Variants in TYMS observed in about 807,000 individuals in gnomAD.
The protein encoded by TYMS is thymidylate synthase.
TYMS carries 21 observed loss-of-function variants against 39.3 expected under a neutral mutation model. The observed-to-expected ratio is 0.54, with a 90% CI of 0.38 to 0.77. The LOEUF is 0.77. TYMS is among the 30% of genes least tolerant of loss of function. The pLI is 0.00. For synonymous variants in TYMS, 171 were observed against 162.2 expected (o/e 1.05, Z -0.41); for missense variants, 273 against 406.7 (o/e 0.67, Z 2.83).
Position 669,115 on chromosome 18 carries a change from C to T in TYMS, c.498C>T (p.Asp166=). The change falls in exon 4 of 7, where the codon GAC becomes GAT. Residue 166 remains aspartate, a synonymous_variant. Coordinates refer to ENST00000323274, the MANE Select transcript of TYMS (RefSeq NM_001071.4). The part of the protein sequence containing the change: ...QGVDQLQRVI[D]TIKTNPDDRR... ...TTGACCAACTGCAAAGAGTGATTGACACCATCAAAACCAACCCTGACGACA... is the reference window on the plus strand; with the variant it reads ...TTGACCAACTGCAAAGAGTGATTGATACCATCAAAACCAACCCTGACGACA... 6.2e-7 allele frequency: 1 copy of T among 1,614,190 alleles called. No homozygotes were observed. The highest frequency in any genetic ancestry group is 8.5e-7 in the Non-Finnish European group (1 of 1,180,040).
chr18:657,659 C>A lies in TYMS; in HGVS notation c.-84C>A. On this transcript the variant is annotated 5_prime_UTR_variant, in exon 1 of 7. Coordinates refer to ENST00000323274, the MANE Select transcript of TYMS (RefSeq NM_001071.4). ...GGGGTCCTGCCACCGCGCCACTTGG[C>A]CTGCCTCCGTCCCGCCGCGCCACTT... is the stretch of plus-strand genomic sequence containing the variant. 2.9e-6 allele frequency: 1 copy of A among 349,480 alleles called. No homozygotes were observed. Among genetic ancestry groups the A allele is most frequent in the South Asian group, 6.3e-5 (1 of 15,948 alleles). 21.6% of individuals were successfully genotyped at this position (349,480 alleles called of 1,614,324 possible). A position where few individuals can be genotyped will look rare whatever the true frequency, so the allele number is the denominator to read the frequency against.
At chr18:662,079 G>C in intron 2 of TYMS, 67 bp from the exon 3 acceptor site, 1 of 1,506,090 alleles carries the variant, frequency 6.6e-7, no homozygotes, top group Non-Finnish European at 8.9e-7. Flanking sequence ...GTGGTGTCTC[G>C]GGGGGATCAA....
intron 3 of TYMS, among the ~76,000 whole-genome samples, chr18:666,629 C>A (rs1181862321): frequency 6.6e-6 from 1 of 152,226 alleles, no homozygotes; most frequent in Admixed American, 6.5e-5. Flanking sequence ...ATTTCACCTC[C>A]AGCCACCTGG....
chr18:658,122 A>G lies in TYMS; in HGVS notation c.205+175A>G. On this transcript the variant is annotated intron_variant, in intron 1 of 6. Transcript: ENST00000323274. The surrounding 1 kb of genome is among the most constrained non-coding windows in gnomAD (Gnocchi z 4.5). ...AGACGCCGAAACGGAGGGTCCCATTAGGGACGTGACTGGCGCGGGCAACAC... is the reference window on the plus strand; with the variant it reads ...AGACGCCGAAACGGAGGGTCCCATTGGGGACGTGACTGGCGCGGGCAACAC... The G allele has an allele frequency of 1.3e-6, 2 of 1,587,072 alleles. No homozygotes were observed. Among genetic ancestry groups the G allele is most frequent in the Non-Finnish European group, 1.7e-6 (2 of 1,170,156 alleles).
Position 658,407 on chromosome 18 carries a change from G to C in TYMS, c.205+460G>C, listed in dbSNP as rs1295725643. 4 of 1,196,104 alleles carry C rather than the reference G, an allele frequency of 3.3e-6. No individual in the cohort carries two copies. The highest frequency in any genetic ancestry group is 4.3e-6 in the Non-Finnish European group (4 of 921,842). 74.1% of individuals were successfully genotyped at this position (1,196,104 alleles called of 1,614,324 possible). A position where few individuals can be genotyped will look rare whatever the true frequency, so the allele number is the denominator to read the frequency against. On this transcript the variant is annotated intron_variant, in intron 1 of 6. Transcript: ENST00000323274. This position sits in a 1 kb window ranked among gnomAD's most constrained non-coding sequence, Gnocchi z 4.5. ...AACTGGAGCGAAAGTGATGTGGGCG[G>C]GGCAAAGGCGGCGGGAAGAGGAGAG...
chr18:672,793 G>A (rs540710744), intron 6 of TYMS, 67 bp from the exon 7 acceptor site: 9 of 1,480,384 alleles, frequency 6.1e-6, no homozygotes, highest in Admixed American at 5.7e-5. Context: ...CTTGTTTCAC[G>A]GACATGAGGA....
At chr18:665,197 C>T (rs1299755215) in intron 3 of TYMS, among the ~76,000 whole-genome samples, 1 of 151,114 alleles carries the variant, frequency 6.6e-6, no homozygotes, top group Non-Finnish European at 1.5e-5. Flanking sequence ...AATTTCAGCT[C>T]CTGTTATTGG....
intron 1 of TYMS, 83 bp from the exon 2 acceptor site, chr18:659,558 C>T: frequency 8.3e-7 from 1 of 1,203,458 alleles, no homozygotes; most frequent in African/African-American, 1.5e-5. Flanking sequence ...CCTCACGTCC[C>T]AGGGCAGTTT....
At position 673,059 on chromosome 18, in the gene TYMS, G is replaced by C. The variant is rs551827317; in HGVS notation, c.*62G>C. 17 of 1,431,818 alleles carry C rather than the reference G, an allele frequency of 1.2e-5. No homozygotes were observed. The Admixed American group carries it at 3.0e-4, about 26-fold the overall frequency. 88.7% of individuals were successfully genotyped at this position (1,431,818 alleles called of 1,614,324 possible). A position where few individuals can be genotyped will look rare whatever the true frequency, so the allele number is the denominator to read the frequency against. ...TTTAGGGGTTGGGCTGGATGCCGAG[G>C]TAAAAGTTCTTTTTGCTCTAAAAGA... On this transcript the variant is annotated 3_prime_UTR_variant, in exon 7 of 7. Transcript: ENST00000323274.
In TYMS at chr18:671,133, A is replaced by G. The variant is rs535951618; in HGVS notation, c.733-247A>G. The G allele has an allele frequency of 7.7e-5, 47 of 612,732 alleles. No homozygotes were observed. In the African/African-American group the frequency reaches 8.3e-4, roughly 11 times the overall value. 38.0% of individuals were successfully genotyped at this position (612,732 alleles called of 1,614,324 possible). ...CTCAAAAGCTATGCTGAGGTTGGGT[A>G]TGGTGGCTCATGCCTGTAATCCCAG... On this transcript the variant is annotated intron_variant, in intron 5 of 6. Coordinates refer to ENST00000323274, the MANE Select transcript of TYMS (RefSeq NM_001071.4).
chr18:662,884 T>G (rs1213073667), intron 3 of TYMS, among the ~76,000 whole-genome samples: 1 of 148,650 alleles, frequency 6.7e-6, no homozygotes, highest in Non-Finnish European at 1.5e-5. Context: ...ATGGTGTATA[T>G]GTGCCACATT....
Position 662,096 on chromosome 18 carries a change from T to C in TYMS, c.280-50T>C, listed in dbSNP as rs1244257295. On this transcript the variant is annotated intron_variant, in intron 2 of 6. Transcript: ENST00000323274. ...GGTGTCTCGGGGGGATCAACTGAGA[T>C]GGCTTAGGATTTACCTGGATGCCTG... 4 of 1,537,650 alleles carry C rather than the reference T, an allele frequency of 2.6e-6. No individual in the cohort carries two copies. The African/African-American group carries it at 4.2e-5, about 16-fold the overall frequency.
chr18:666,618 C>A (rs2074820803), intron 3 of TYMS, among the ~76,000 whole-genome samples: 1 of 152,186 alleles, frequency 6.6e-6, no homozygotes, highest in Non-Finnish European at 1.5e-5. Context: ...GGGACAGTCA[C>A]ATTTCACCTC....
At chr18:662,457 G>A (rs2144267634) in intron 3 of TYMS, 137 bp downstream of exon 3, 1 of 718,396 alleles carries the variant, frequency 1.4e-6, no homozygotes, top group Non-Finnish European at 2.1e-6. Flanking sequence ...GTGAGGGGTG[G>A]TGCCAGGTTA....
In TYMS at chr18:670,885, G is replaced by C; in HGVS notation, c.732+18G>C. ...GCCTGAAGGTGGGCTGTCTCGGGAA[G>C]GGTGACTTGCCAGCCTACCACACTG... On this transcript the variant is annotated intron_variant, in intron 5 of 6. Coordinates refer to ENST00000323274, the MANE Select transcript of TYMS (RefSeq NM_001071.4). The C allele has an allele frequency of 1.2e-6, 2 of 1,613,158 alleles. No homozygotes were observed. Among genetic ancestry groups the C allele is most frequent in the Non-Finnish European group, 1.7e-6 (2 of 1,179,416 alleles).
rs371383896 is a variant in TYMS at position 658,072 on chromosome 18, G to T, written c.205+125G>T. Reference sequence around the variant, plus strand: ...CCTAACCTCAATCCTGCGAGGGAGGGGACGCATCGTCCTCCTCGCCTTACA... The same window carrying T: ...CCTAACCTCAATCCTGCGAGGGAGGTGACGCATCGTCCTCCTCGCCTTACA... On this transcript the variant is annotated intron_variant, in intron 1 of 6. Coordinates refer to ENST00000323274, the MANE Select transcript of TYMS (RefSeq NM_001071.4). This position sits in a 1 kb window ranked among gnomAD's most constrained non-coding sequence, Gnocchi z 4.5. 6.3e-7 allele frequency: 1 copy of T among 1,574,824 alleles called. No individual in the cohort carries two copies.
chr18:658,436 T>C lies in TYMS; in HGVS notation c.205+489T>C, dbSNP rs1277293570. On this transcript the variant is annotated intron_variant, in intron 1 of 6. Transcript: ENST00000323274. The surrounding 1 kb of genome is among the most constrained non-coding windows in gnomAD (Gnocchi z 4.5). ...AAAGGCGGCGGGAAGAGGAGAGCAC[T>C]GAAGCTGGCGCGGGAACTTGGTTTC... The C allele has an allele frequency of 1.1e-5, 10 of 902,176 alleles. No homozygotes were observed. The highest frequency in any genetic ancestry group is 1.5e-5 in the Non-Finnish European group (10 of 676,790). 55.9% of individuals were successfully genotyped at this position (902,176 alleles called of 1,614,324 possible).
intron 4 of TYMS, 171 bp from the exon 5 acceptor site, chr18:670,521 G>A: frequency 1.5e-6 from 1 of 649,522 alleles, no homozygotes; most frequent in Non-Finnish European, 2.6e-6. Context: ...GTCTCCCTCA[G>A]CTCCGTGCCA....
At chr18:664,524 A>G (rs11875662) in intron 3 of TYMS, among the ~76,000 whole-genome samples, 3,021 of 136,302 alleles carry the variant, frequency 0.022, 119 homozygotes, top group African/African-American at 0.085. Flanking sequence ...TCTCCTGCCT[A>G]ATTGCCCTGG....
Sources: allele counts gnomAD v4.1 joint callset (sites outside exome capture counted in the v4.1 genomes callset), GRCh38; gene constraint gnomAD v4.1.1; non-coding constraint Gnocchi (gnomAD v3.1); transcripts MANE v1.5; gene names NCBI Gene and HGNC (gene_info 2026-07-23, HGNC 2026-07-21).